IL1RAPL2: variants seen among roughly 807,000 people sequenced by gnomAD.
IL1RAPL2 encodes the protein interleukin 1 receptor accessory protein like 2.
IL1RAPL2 carries 3 observed loss-of-function variants against 44.1 expected under a neutral mutation model. The ratio of observed to expected loss-of-function variants is 0.07; its 90% CI spans 0.03 to 0.18. The LOEUF (loss-of-function observed/expected upper bound fraction) is 0.18, where lower values mean the gene tolerates loss of function less well. Among genes scored for constraint, IL1RAPL2 ranks in the 10% least tolerant of loss-of-function variants. The pLI, the probability that IL1RAPL2 is intolerant of heterozygous loss-of-function variation, is 1.00. For synonymous variants in IL1RAPL2, 181 were observed against 178.8 expected, an observed-to-expected ratio of 1.01 and a Z score of -0.10; for missense variants, 391 against 496.4, an observed-to-expected ratio of 0.79 and a Z score of 2.02.
At chrX:105,593,677 T>TC (rs1460989167) in intron 6 of IL1RAPL2, among the ~76,000 whole-genome samples, 1 of 111,211 alleles carries the variant, frequency 9.0e-6, no homozygotes, top group Non-Finnish European at 1.9e-5. Flanking sequence ...CTGGAAAATT[T>TC]CAGGGGTCCA....
intron 2 of IL1RAPL2, among the ~76,000 whole-genome samples, chrX:105,184,457 G>T (rs1556132680): frequency 1.2e-5 from 1 of 83,312 alleles, no homozygotes; most frequent in East Asian, 4.1e-4. Context: ...TAAAATATTT[G>T]AAGAGCACAT....
intron 2 of IL1RAPL2, among the ~76,000 whole-genome samples, chrX:104,873,298 A>G (rs191967418): frequency 9.0e-6 from 1 of 111,647 alleles, no homozygotes; most frequent in Admixed American, 9.6e-5. Flanking sequence ...TTACCTCCAA[A>G]AAAGCCCTAC....
At chrX:104,657,125 T>A (rs984885001) in intron 1 of IL1RAPL2, among the ~76,000 whole-genome samples, 10 of 111,630 alleles carry the variant, frequency 9.0e-5, no homozygotes, top group African/African-American at 1.3e-4. Flanking sequence ...CTTGACTCTT[T>A]ATCCAATTTG....
intron 10 of IL1RAPL2, among the ~76,000 whole-genome samples, chrX:105,758,951 T>C (rs1446768328): frequency 1.8e-5 from 2 of 111,817 alleles, no homozygotes; most frequent in Non-Finnish European, 3.8e-5. Context: ...TATAAACTAC[T>C]CTACACAGAG....
At chrX:104,971,545 TTTA>T (rs1488502281) in intron 2 of IL1RAPL2, among the ~76,000 whole-genome samples, 8 of 110,675 alleles carry the variant, frequency 7.2e-5, no homozygotes, top group Non-Finnish European at 1.9e-5. Flanking sequence ...AGCAGCAGGT[TTTA>T]TTAATAACTG....
chrX:105,339,689 A>G (rs1040621971), intron 5 of IL1RAPL2, among the ~76,000 whole-genome samples: 8 of 111,811 alleles, frequency 7.2e-5, no homozygotes, highest in African/African-American at 1.3e-4. Flanking sequence ...GCGTAAAGGA[A>G]ACTTAGTGAG....
intron 2 of IL1RAPL2, among the ~76,000 whole-genome samples, chrX:105,181,767 T>C (rs1208727949): frequency 2.7e-5 from 3 of 111,548 alleles, no homozygotes; most frequent in Non-Finnish European, 3.8e-5. Flanking sequence ...AATGTGATGA[T>C]AAGAATGTAT....
intron 1 of IL1RAPL2, among the ~76,000 whole-genome samples, chrX:104,655,502 T>A (rs991285230): frequency 1.8e-5 from 2 of 112,035 alleles, no homozygotes; most frequent in Non-Finnish European, 3.8e-5. Context: ...TGAACCAGCC[T>A]TGCATCCCAG....
chrX:105,318,639 G>A (rs1416315523), intron 5 of IL1RAPL2, among the ~76,000 whole-genome samples: 1 of 111,272 alleles, frequency 9.0e-6, no homozygotes, highest in Non-Finnish European at 1.9e-5. Context: ...CAATACTAGA[G>A]TCATGGTGGG....
At chrX:104,968,400 T>G (rs2030166897) in intron 2 of IL1RAPL2, among the ~76,000 whole-genome samples, 1 of 111,723 alleles carries the variant, frequency 9.0e-6, no homozygotes, top group African/African-American at 3.2e-5. Flanking sequence ...AACTGATAAA[T>G]TGTGTCTACA....
intron 5 of IL1RAPL2, among the ~76,000 whole-genome samples, chrX:105,351,942 T>G (rs1344872422): frequency 3.6e-5 from 4 of 111,500 alleles, no homozygotes; most frequent in Non-Finnish European, 7.5e-5. Flanking sequence ...CCCCCACTTT[T>G]TATTTTTATT....
intron 2 of IL1RAPL2, among the ~76,000 whole-genome samples, chrX:104,824,861 G>T (rs1289176003): frequency 9.0e-6 from 1 of 110,901 alleles, no homozygotes; most frequent in Non-Finnish European, 1.9e-5. Flanking sequence ...TTTTTGAAGG[G>T]TTTTTCATAT....
intron 5 of IL1RAPL2, among the ~76,000 whole-genome samples, chrX:105,293,213 C>T (rs769979230): frequency 2.2e-4 from 24 of 109,743 alleles, no homozygotes; most frequent in Admixed American, 4.9e-4. Context: ...GTTATTTTCT[C>T]TATCATTCTA....
intron 2 of IL1RAPL2, among the ~76,000 whole-genome samples, chrX:104,764,569 T>C (rs1932524229): frequency 8.9e-6 from 1 of 112,100 alleles, no homozygotes; most frequent in African/African-American, 3.2e-5. Flanking sequence ...CTGATTGCTC[T>C]ATCATGGACT....
chrX:104,950,726 TGAGACGGAG>T (rs1456523858), intron 2 of IL1RAPL2, among the ~76,000 whole-genome samples: 1 of 109,954 alleles, frequency 9.1e-6, no homozygotes, highest in Non-Finnish European at 1.9e-5. Context: ...TTTTTTTTTT[TGAGACGGAG>T]TCTCGCTGTC....
intron 2 of IL1RAPL2, among the ~76,000 whole-genome samples, chrX:104,909,017 A>G (rs1275877174): frequency 1.8e-5 from 2 of 110,083 alleles, no homozygotes; most frequent in Non-Finnish European, 3.8e-5. Flanking sequence ...ACATAGTCCC[A>G]TATTTCTTGG....
At chrX:104,777,675 C>A (rs1009636068) in intron 2 of IL1RAPL2, among the ~76,000 whole-genome samples, 18 of 108,917 alleles carry the variant, frequency 1.7e-4, no homozygotes, top group Non-Finnish European at 3.0e-4. Context: ...CTCCCCGGTT[C>A]AAGCAATTCT....
chrX:105,373,676 T>C (rs2035362249), intron 5 of IL1RAPL2, among the ~76,000 whole-genome samples: 1 of 111,740 alleles, frequency 8.9e-6, no homozygotes, highest in Non-Finnish European at 1.9e-5. Flanking sequence ...CTTTAACCCA[T>C]CTTGAGTTGA....
chrX:105,048,891 T>C (rs2031878675), intron 2 of IL1RAPL2, among the ~76,000 whole-genome samples: 1 of 112,313 alleles, frequency 8.9e-6, no homozygotes, highest in Non-Finnish European at 1.9e-5. Flanking sequence ...GCTCCTCTGT[T>C]AGGCACCACA....
Sources: gnomAD v4.1 joint callset for allele counts (sites outside exome capture counted in the v4.1 genomes callset) on GRCh38, gnomAD v4.1.1 for gene constraint, MANE v1.5 for transcripts, NCBI Gene and HGNC (gene_info 2026-07-23, HGNC 2026-07-21) for gene names.